The following ERBB4 variants were observed in gnomAD, a reference collection of about 807,000 sequenced individuals.
ERBB4 encodes the protein erb-b2 receptor tyrosine kinase 4, also known as receptor tyrosine-protein kinase erbB-4.
In ERBB4, 42 loss-of-function variants were observed where a neutral mutation model predicts 158.0. The ratio of observed to expected loss-of-function variants is 0.27; its 90% confidence interval spans 0.21 to 0.34. The LOEUF (loss-of-function observed/expected upper bound fraction) is 0.34. ERBB4 is among the 10% of genes least tolerant of loss of function. The pLI, the probability that ERBB4 is intolerant of heterozygous loss-of-function variation, is 1.00. For synonymous variants in ERBB4, 583 were observed against 558.7 expected (o/e 1.04, Z -0.61); for missense variants, 1,333 against 1,624.1 (o/e 0.82, Z 3.08).
At chr2:211,713,719 T>C (rs1000519537) in intron 7 of ERBB4, 71 bp from the exon 8 acceptor site, 1 of 887,174 alleles carries the variant, frequency 1.1e-6, no homozygotes. Flanking sequence ...CAAAACAAGA[T>C]ATTTTAGGGT....
intron 19 of ERBB4, among the ~76,000 whole-genome samples, chr2:211,591,186 T>A (rs1329627771): frequency 6.6e-6 from 1 of 152,242 alleles, no homozygotes; most frequent in African/African-American, 2.4e-5. Flanking sequence ...TATTTACTTA[T>A]TAAAATTAGA....
chr2:211,859,849 T>G lies in ERBB4; in HGVS notation c.422-71690A>C, dbSNP rs370095139. Among the ~76,000 whole-genome samples the G allele has an allele frequency of 1.1e-4, 16 of 152,316 alleles. No homozygotes were observed. In the East Asian group the frequency reaches 3.1e-3, roughly 29 times the overall value. On this transcript the variant is annotated intron_variant, in intron 3 of 27. Transcript: ENST00000342788. ...TTCTTCAATGTCCAATAAGCAGAAA[T>G]GATTAGCAGCAATGAAAAAGAAATG...
At chr2:212,301,343 C>G (rs1300507291) in intron 1 of ERBB4, among the ~76,000 whole-genome samples, 5 of 151,156 alleles carry the variant, frequency 3.3e-5, no homozygotes, top group Admixed American at 2.0e-4. Flanking sequence ...TAGGCATATC[C>G]CAATTCCCTG....
intron 3 of ERBB4, among the ~76,000 whole-genome samples, chr2:211,820,111 A>C (rs1358098534): frequency 6.6e-6 from 1 of 151,940 alleles, no homozygotes; most frequent in Non-Finnish European, 1.5e-5. Context: ...GTACATAAAC[A>C]GATAATTCAA....
intron 1 of ERBB4, among the ~76,000 whole-genome samples, chr2:212,356,514 T>A (rs2089468591): frequency 6.6e-6 from 1 of 151,992 alleles, no homozygotes; most frequent in African/African-American, 2.4e-5. Flanking sequence ...TAAAAGTAAG[T>A]ATCAAAAATA....
intron 1 of ERBB4, among the ~76,000 whole-genome samples, chr2:212,535,414 G>A (rs970776268): frequency 6.6e-6 from 1 of 151,974 alleles, no homozygotes; most frequent in Non-Finnish European, 1.5e-5. Context: ...ATAACCCCAT[G>A]ATTTTGGAGA....
intron 3 of ERBB4, among the ~76,000 whole-genome samples, chr2:211,940,006 T>TAGATAGATAGATAGAC (rs1210326694): frequency 4.6e-5 from 7 of 150,776 alleles, no homozygotes; most frequent in Non-Finnish European, 4.4e-5. Flanking sequence ...GATAGATAGA[T>TAGATAGATAGATAGAC]AGAGATAGAT....
In ERBB4 at chr2:212,382,920, A is replaced by T. The variant is rs560595997; in HGVS notation, c.82+155529T>A. Among the ~76,000 whole-genome samples the T allele has an allele frequency of 2.6e-5, 4 of 151,422 alleles. No homozygotes were observed. The South Asian group carries it at 8.3e-4, about 31-fold the overall frequency. On this transcript the variant is annotated intron_variant, in intron 1 of 27. Coordinates refer to ENST00000342788, the MANE Select transcript of ERBB4 (RefSeq NM_005235.3). ...CTTGGTATCTTACTTACAATATTAT[A>T]ACCCTTTTAAATATTGAGGGTGTTA...
chr2:212,339,348 C>G (rs1341003072), intron 1 of ERBB4, among the ~76,000 whole-genome samples: 5 of 152,128 alleles, frequency 3.3e-5, no homozygotes, highest in Non-Finnish European at 7.3e-5. Context: ...TAATCTTGCT[C>G]ATTATTTAAA....
At chr2:212,101,796 T>C (rs1322433474) in intron 2 of ERBB4, among the ~76,000 whole-genome samples, 2 of 151,802 alleles carry the variant, frequency 1.3e-5, no homozygotes, top group Non-Finnish European at 2.9e-5. Context: ...TCAACAATAA[T>C]GAAAAGGTTA....
At chr2:211,432,680 C>T (rs2063769374) in intron 20 of ERBB4, among the ~76,000 whole-genome samples, 1 of 151,788 alleles carries the variant, frequency 6.6e-6, no homozygotes, top group South Asian at 2.1e-4. Flanking sequence ...TAATACTATC[C>T]CTTTAACAAA....
intron 4 of ERBB4, among the ~76,000 whole-genome samples, chr2:211,754,755 C>A (rs1039315657): frequency 3.3e-5 from 5 of 151,320 alleles, no homozygotes; most frequent in African/African-American, 1.2e-4. Context: ...GGCTGGAGTG[C>A]AATGGCACAA....
chr2:211,402,193 T>A (rs887287135), intron 25 of ERBB4, among the ~76,000 whole-genome samples: 1 of 152,030 alleles, frequency 6.6e-6, no homozygotes, highest in Non-Finnish European at 1.5e-5. Flanking sequence ...ATCTAATTCA[T>A]CAGTGTTGTC....
chr2:211,610,418 T>C (rs1389037098), intron 19 of ERBB4, among the ~76,000 whole-genome samples: 1 of 152,130 alleles, frequency 6.6e-6, no homozygotes, highest in Non-Finnish European at 1.5e-5. Flanking sequence ...ACAAAACCAT[T>C]GAGGTTTGAC....
chr2:211,628,392 C>A (rs1166065059), intron 17 of ERBB4, among the ~76,000 whole-genome samples: 3 of 152,222 alleles, frequency 2.0e-5, no homozygotes, highest in East Asian at 1.9e-4. Flanking sequence ...TTGTTCAATT[C>A]CCACCTATGA....
chr2:211,431,374 C>T (rs1465441878), intron 20 of ERBB4, among the ~76,000 whole-genome samples: 1 of 152,116 alleles, frequency 6.6e-6, no homozygotes, highest in African/African-American at 2.4e-5. Flanking sequence ...GACTTGATAT[C>T]CTTTTGCAAA....
chr2:212,292,813 T>C (rs548656975), intron 1 of ERBB4, among the ~76,000 whole-genome samples: 1 of 152,162 alleles, frequency 6.6e-6, no homozygotes, highest in South Asian at 2.1e-4. Flanking sequence ...CAGAGAACCA[T>C]TGAAAGTTCA....
intron 12 of ERBB4, among the ~76,000 whole-genome samples, chr2:211,689,968 C>A (rs1298203975): frequency 6.7e-6 from 1 of 150,212 alleles, no homozygotes; most frequent in Non-Finnish European, 1.5e-5. Context: ...TTATCAAGTT[C>A]TATCTCAGGC....
chr2:211,582,910 A>T (rs760215705), intron 19 of ERBB4, among the ~76,000 whole-genome samples: 4 of 152,158 alleles, frequency 2.6e-5, no homozygotes, highest in Non-Finnish European at 4.4e-5. Context: ...ATTATATGTT[A>T]TCTGTAATTA....
Sources: allele counts gnomAD v4.1 joint callset (sites outside exome capture counted in the v4.1 genomes callset), GRCh38; gene constraint gnomAD v4.1.1; transcripts MANE v1.5; gene names NCBI Gene and HGNC (gene_info 2026-07-23, HGNC 2026-07-21).